The following RNF24 variants were observed in gnomAD, a reference collection of about 807,000 sequenced individuals.
RNF24 encodes ring finger protein 24.
RNF24 carries 14 observed loss-of-function variants against 20.0 expected under a neutral mutation model. The observed-to-expected ratio is 0.70, with a 90% CI of 0.46 to 1.10. The LOEUF (loss-of-function observed/expected upper bound fraction) is 1.10. Among genes scored for constraint, RNF24 ranks in the 50% least tolerant of loss-of-function variants. The pLI, the probability that RNF24 is intolerant of heterozygous loss-of-function variation, is 0.00. For missense variants in RNF24, 124 were observed against 177.6 expected (o/e 0.70, Z 1.71); for synonymous variants, 45 against 61.1 (o/e 0.74, Z 1.23).
At chr20:3,970,349 C>T (rs879755072) in intron 1 of RNF24, among the ~76,000 whole-genome samples, 2 of 152,098 alleles carry the variant, frequency 1.3e-5, no homozygotes, top group South Asian at 4.1e-4. Flanking sequence ...TGTCAGAGTG[C>T]TGTCAAAGGA....
At chr20:3,983,028 C>T (rs1979555524) in intron 1 of RNF24, among the ~76,000 whole-genome samples, 1 of 152,190 alleles carries the variant, frequency 6.6e-6, no homozygotes, top group Non-Finnish European at 1.5e-5. Flanking sequence ...TTGTTTCTCT[C>T]TGTCTTTCCC....
At chr20:3,935,185 T>C (rs2090875925) in intron 4 of RNF24, 112 bp from the exon 5 acceptor site, 1 of 695,346 alleles carries the variant, frequency 1.4e-6, no homozygotes, top group Non-Finnish European at 2.4e-6. Context: ...CATGAGACTC[T>C]TATCTTAAAA....
chr20:4,009,816 A>T (rs1982292000), intron 1 of RNF24, among the ~76,000 whole-genome samples: 1 of 149,978 alleles, frequency 6.7e-6, no homozygotes, highest in Non-Finnish European at 1.5e-5. Context: ...TGAATGATAA[A>T]GCAGCTATAA....
At chr20:3,962,369 T>TAAC (rs1422045444) in intron 2 of RNF24, among the ~76,000 whole-genome samples, 1 of 152,004 alleles carries the variant, frequency 6.6e-6, no homozygotes, top group African/African-American at 2.4e-5. Context: ...ATAATAATAA[T>TAAC]AACAATAAAG....
At chr20:3,998,245 C>A (rs900521177) in intron 1 of RNF24, among the ~76,000 whole-genome samples, 64 of 151,170 alleles carry the variant, frequency 4.2e-4, no homozygotes, top group Non-Finnish European at 1.0e-4. Flanking sequence ...TCGAGAGCAA[C>A]CTGACCAACA....
At position 3,931,265 on chromosome 20, in the gene RNF24, G is replaced by T. The variant is rs2146929339; in HGVS notation, c.*2798C>A. The T allele has an allele frequency of 6.6e-6, 1 of 152,316 alleles. No individual in the cohort carries two copies. The highest frequency in any genetic ancestry group is 2.4e-5 in the African/African-American group (1 of 41,570). The allele number at this position is 152,316 out of a possible 1,614,324, so 9.4% of individuals were successfully genotyped here. A position where few individuals can be genotyped will look rare whatever the true frequency, so the allele number is the denominator to read the frequency against. On this transcript the variant is annotated 3_prime_UTR_variant, in exon 6 of 6. Transcript: ENST00000358395. ...CAGCCAGTGGTCCAAGAGCAGACCA[G>T]AATCCCCACGCAGCTACACAGTAAC...
intron 1 of RNF24, among the ~76,000 whole-genome samples, chr20:3,973,500 C>CA (rs56824542): frequency 8.3e-4 from 84 of 101,090 alleles, no homozygotes; most frequent in East Asian, 4.6e-3. Flanking sequence ...GGAAGAATGA[C>CA]AAAAAAAAAA....
chr20:3,936,386 C>T (rs1395384132), intron 4 of RNF24, among the ~76,000 whole-genome samples: 2 of 152,184 alleles, frequency 1.3e-5, no homozygotes, highest in Admixed American at 6.5e-5. Context: ...ATGGCCTGTC[C>T]CACCCTACAC....
At position 4,010,947 on chromosome 20, in the gene RNF24, G is replaced by C. The variant is rs1982412503; in HGVS notation, c.-8+4490C>G. 5.3e-5 allele frequency among the ~76,000 whole-genome samples: 8 copies of C among 152,194 alleles called. No homozygotes were observed. The South Asian group carries it at 1.7e-3, about 32-fold the overall frequency. On this transcript the variant is annotated intron_variant, in intron 1 of 5. Transcript: ENST00000358395. ...AAGAGGAGGAAACAAAGACCCCACT[G>C]CTTGATGGAGGCACAAAGAATAGCA...
At chr20:3,978,184 T>C (rs1275824236) in intron 1 of RNF24, among the ~76,000 whole-genome samples, 1 of 151,262 alleles carries the variant, frequency 6.6e-6, no homozygotes, top group Non-Finnish European at 1.5e-5. Context: ...ATTACAGGTG[T>C]GTGCCACCAT....
At position 3,991,740 on chromosome 20, in the gene RNF24, T is replaced by G. The variant is rs530964660; in HGVS notation, c.-8+23697A>C. ...ATATCCTATAGCTATCTGTCTTAAA[T>G]CAGCATTTGCTTAGATAAGGTAATC... On this transcript the variant is annotated intron_variant, in intron 1 of 5. Coordinates refer to ENST00000358395, the MANE Select transcript of RNF24 (RefSeq NM_001134337.3). Among the ~76,000 whole-genome samples the G allele has an allele frequency of 8.5e-5, 13 of 152,310 alleles. No homozygotes were observed. In the South Asian group the frequency reaches 2.7e-3, roughly 32 times the overall value.
At chr20:3,952,588 T>C (rs912065499) in intron 2 of RNF24, among the ~76,000 whole-genome samples, 1 of 151,072 alleles carries the variant, frequency 6.6e-6, no homozygotes, top group Non-Finnish European at 1.5e-5. Flanking sequence ...TCCCGTTTTT[T>C]TTTTTTTGCA....
intron 4 of RNF24, among the ~76,000 whole-genome samples, chr20:3,937,398 T>G (rs2090903831): frequency 6.6e-6 from 1 of 152,218 alleles, no homozygotes; most frequent in South Asian, 2.1e-4. Context: ...TCAATGAGAT[T>G]GTTTCTCCAG....
intron 4 of RNF24, among the ~76,000 whole-genome samples, chr20:3,943,735 A>G (rs1481249428): frequency 1.3e-5 from 2 of 152,192 alleles, no homozygotes; most frequent in Admixed American, 1.3e-4. Flanking sequence ...TTTATTCAGG[A>G]CAAAGTTTCT....
intron 1 of RNF24, among the ~76,000 whole-genome samples, chr20:4,013,895 G>A (rs577353800): frequency 6.6e-6 from 1 of 152,324 alleles, no homozygotes. Flanking sequence ...TGCAACCAGA[G>A]TTAACAACTA....
At chr20:4,011,958 A>G (rs966907053) in intron 1 of RNF24, among the ~76,000 whole-genome samples, 1 of 152,248 alleles carries the variant, frequency 6.6e-6, no homozygotes, top group Non-Finnish European at 1.5e-5. Flanking sequence ...GGTAAATACC[A>G]AAAGAAACCA....
intron 1 of RNF24, among the ~76,000 whole-genome samples, chr20:3,983,320 A>C (rs1979588665): frequency 2.0e-5 from 3 of 152,052 alleles, no homozygotes; most frequent in African/African-American, 2.4e-5. Context: ...ACTTTTCTTT[A>C]GTTTATCCCT....
At chr20:4,013,158 T>G (rs545359880) in intron 1 of RNF24, among the ~76,000 whole-genome samples, 24 of 152,300 alleles carry the variant, frequency 1.6e-4, no homozygotes, top group Middle Eastern at 3.4e-3. Context: ...ATTAATTTTT[T>G]TTTACTCTTA....
chr20:4,008,834 C>T (rs546170872), intron 1 of RNF24, among the ~76,000 whole-genome samples: 1 of 151,764 alleles, frequency 6.6e-6, no homozygotes, highest in Non-Finnish European at 1.5e-5. Flanking sequence ...CATAAGCCAC[C>T]ATGCCCGGCC....
Sources: allele counts gnomAD v4.1 joint callset (sites outside exome capture counted in the v4.1 genomes callset), GRCh38; gene constraint gnomAD v4.1.1; transcripts MANE v1.5; gene names NCBI Gene and HGNC (gene_info 2026-07-23, HGNC 2026-07-21).